Variants in SHISA9 observed in about 807,000 individuals in gnomAD.
The protein encoded by SHISA9 is protein shisa-9.
A neutral mutation model predicts 38.0 loss-of-function variants in SHISA9; 13 were observed. That is an observed-to-expected ratio of 0.34 (90% CI 0.22 to 0.54). The LOEUF (loss-of-function observed/expected upper bound fraction) is 0.54. SHISA9 is among the 20% of genes least tolerant of loss of function. The pLI, the probability that SHISA9 is intolerant of heterozygous loss-of-function variation, is 0.91. For missense variants in SHISA9, 538 were observed against 575.8 expected (o/e 0.93, Z 0.67); for synonymous variants, 275 against 242.0 (o/e 1.14, Z -1.27).
the SHISA9 span, among the ~76,000 whole-genome samples, chr16:13,514,388 A>G: frequency 6.6e-6 from 1 of 152,220 alleles, no homozygotes; most frequent in East Asian, 1.9e-4. Flanking sequence ...TAAATAATCA[A>G]TCAAACCAGA....
intron 2 of SHISA9, among the ~76,000 whole-genome samples, chr16:13,037,115 C>CAG (rs2073082211): frequency 1.8e-5 from 2 of 111,306 alleles, no homozygotes; most frequent in Admixed American, 8.5e-5. Flanking sequence ...CACAGACACA[C>CAG]ACACACACAC....
At chr16:12,988,212 C>A (rs1228902864) in intron 2 of SHISA9, among the ~76,000 whole-genome samples, 1 of 152,174 alleles carries the variant, frequency 6.6e-6, no homozygotes, top group East Asian at 1.9e-4. Flanking sequence ...TTTGGAAGGT[C>A]CTTTTCTGGT....
At chr16:13,513,018 T>G in the SHISA9 span, among the ~76,000 whole-genome samples, 1 of 152,120 alleles carries the variant, frequency 6.6e-6, no homozygotes, top group Non-Finnish European at 1.5e-5. Context: ...TGGGACCTAA[T>G]TAAACTAAAG....
At chr16:13,038,873 A>G (rs2073103042) in intron 2 of SHISA9, among the ~76,000 whole-genome samples, 1 of 152,194 alleles carries the variant, frequency 6.6e-6, no homozygotes, top group Admixed American at 6.5e-5. Context: ...ATGACTCAGT[A>G]CCTGTCTCTG....
the SHISA9 span, among the ~76,000 whole-genome samples, chr16:13,403,851 CT>C: frequency 6.6e-6 from 1 of 152,148 alleles, no homozygotes; most frequent in Non-Finnish European, 1.5e-5. Flanking sequence ...GGGCAAGTCA[CT>C]TTACCTGCAT....
At chr16:13,446,825 A>G in the SHISA9 span, among the ~76,000 whole-genome samples, 1 of 151,902 alleles carries the variant, frequency 6.6e-6, no homozygotes, top group Middle Eastern at 3.2e-3. Context: ...AAAATATACA[A>G]AAAAATTAGC....
At chr16:12,908,557 C>T (rs1187230680) in intron 1 of SHISA9, 5 of 1,551,678 alleles carry the variant, frequency 3.2e-6, no homozygotes, top group Middle Eastern at 1.7e-4. Flanking sequence ...AGTGGAGTGT[C>T]GGACTTCAAA....
chr16:13,416,498 A>G, the SHISA9 span, among the ~76,000 whole-genome samples: 1 of 152,124 alleles, frequency 6.6e-6, no homozygotes, highest in Non-Finnish European at 1.5e-5. Context: ...GATGTGAGAC[A>G]CCCAAGGGTA....
At chr16:13,152,534 G>C (rs1032908360) in intron 2 of SHISA9, among the ~76,000 whole-genome samples, 7 of 152,152 alleles carry the variant, frequency 4.6e-5, no homozygotes, top group Non-Finnish European at 1.0e-4. Flanking sequence ...CAGAGTTCTG[G>C]AACTAGCATA....
chr16:12,928,830 A>G (rs2071426554), intron 2 of SHISA9, among the ~76,000 whole-genome samples: 1 of 152,234 alleles, frequency 6.6e-6, no homozygotes, highest in Non-Finnish European at 1.5e-5. Flanking sequence ...ATATCAAGTC[A>G]AAGAATGTCA....
At chr16:13,456,823 G>A in the SHISA9 span, among the ~76,000 whole-genome samples, 8 of 152,204 alleles carry the variant, frequency 5.3e-5, no homozygotes, top group Non-Finnish European at 1.2e-4. Context: ...CCAGGTAATT[G>A]TCCAAAGCTG....
the SHISA9 span, among the ~76,000 whole-genome samples, chr16:13,359,238 G>C: frequency 6.6e-6 from 1 of 152,082 alleles, no homozygotes; most frequent in Non-Finnish European, 1.5e-5. Flanking sequence ...ATTTTTTGGG[G>C]GGAGGTCAAG....
At chr16:13,376,468 C>T in the SHISA9 span, among the ~76,000 whole-genome samples, 1 of 152,190 alleles carries the variant, frequency 6.6e-6, no homozygotes, top group South Asian at 2.1e-4. Context: ...GCCCACTCAC[C>T]TCTCTAATGT....
chr16:12,908,409 GT>G, intron 1 of SHISA9: 1 of 1,539,716 alleles, frequency 6.5e-7, no homozygotes, highest in Non-Finnish European at 8.8e-7. Flanking sequence ...ATCCTTGTTG[GT>G]TTTGCAATTT....
At chr16:13,301,434 A>C in the SHISA9 span, among the ~76,000 whole-genome samples, 5 of 152,312 alleles carry the variant, frequency 3.3e-5, no homozygotes, top group East Asian at 9.6e-4. Flanking sequence ...TCAACACTGC[A>C]CTTGAAATAC....
chr16:13,377,843 C>T, the SHISA9 span, among the ~76,000 whole-genome samples: 1 of 151,984 alleles, frequency 6.6e-6, no homozygotes, highest in Non-Finnish European at 1.5e-5. Flanking sequence ...GCCTGTCCAA[C>T]ATGGTGAAAC....
At chr16:13,022,760 C>A (rs1406358655) in intron 2 of SHISA9, among the ~76,000 whole-genome samples, 1 of 152,100 alleles carries the variant, frequency 6.6e-6, no homozygotes, top group African/African-American at 2.4e-5. Flanking sequence ...CACCACCACA[C>A]CCAGCTAATT....
intron 2 of SHISA9, among the ~76,000 whole-genome samples, chr16:12,990,223 G>A (rs1291815445): frequency 6.6e-6 from 1 of 152,072 alleles, no homozygotes; most frequent in Non-Finnish European, 1.5e-5. Context: ...GCTATTGGAT[G>A]CATAGTGCAG....
At chr16:13,123,910 T>A (rs1261292850) in intron 2 of SHISA9, among the ~76,000 whole-genome samples, 1 of 152,246 alleles carries the variant, frequency 6.6e-6, no homozygotes, top group Non-Finnish European at 1.5e-5. Flanking sequence ...TAACTCTTGG[T>A]GTTGTTCTGA....
Sources: allele counts gnomAD v4.1 joint callset (sites outside exome capture counted in the v4.1 genomes callset), GRCh38; gene constraint gnomAD v4.1.1; transcripts MANE v1.5; gene names NCBI Gene and HGNC (gene_info 2026-07-23, HGNC 2026-07-21).